The following PCDH7 variants were observed in gnomAD, a reference collection of about 807,000 sequenced individuals.
The protein encoded by PCDH7 is protocadherin 7, also known as protocadherin-7.
In PCDH7, 17 loss-of-function variants were observed where a neutral mutation model predicts 58.9. The observed-to-expected ratio is 0.29, with a 90% confidence interval of 0.20 to 0.43. The LOEUF (loss-of-function observed/expected upper bound fraction) is 0.43, where lower values mean the gene tolerates loss of function less well. Ranked by LOEUF, PCDH7 falls within the 20% of genes least tolerant of loss-of-function variation. The pLI is 1.00. For synonymous variants in PCDH7, 664 were observed against 616.4 expected (o/e 1.08, Z -1.14); for missense variants, 1,274 against 1,441.0 (o/e 0.88, Z 1.88).
chr4:30,757,413 G>A (rs545366313), intron 1 of PCDH7, among the ~76,000 whole-genome samples: 2 of 152,284 alleles, frequency 1.3e-5, no homozygotes, highest in South Asian at 4.2e-4. Flanking sequence ...CTTAGCAAAT[G>A]ATTATCAATC....
intron 2 of PCDH7, among the ~76,000 whole-genome samples, chr4:30,947,664 G>A (rs1746869443): frequency 1.3e-5 from 2 of 152,092 alleles, no homozygotes; most frequent in African/African-American, 4.8e-5. Context: ...ATTAGCATAT[G>A]TCCATCATCT....
rs1217342923 is a variant in PCDH7 at position 31,097,517 on chromosome 4, AAAG to A, written c.*8-44950_*8-44948del. ...AAAAGAAAGAAAGAAAGAGAGAAAG[AAAG>A]AAGAAAGAAAGAAAGAAAGAAAGAT... On this transcript the variant is annotated intron_variant, in intron 3 of 3. Coordinates refer to the PCDH7 transcript ENST00000509759. 1.3e-3 allele frequency among the ~76,000 whole-genome samples: 158 copies of A among 122,010 alleles called. 3 individuals are homozygous for A. The highest frequency in any genetic ancestry group is 5.0e-3 in the African/African-American group (145 of 28,984). 80.0% of individuals were successfully genotyped at this position (122,010 alleles called of 152,430 possible).
intron 3 of PCDH7, among the ~76,000 whole-genome samples, chr4:30,964,947 G>C (rs1748866130): frequency 6.6e-6 from 1 of 152,188 alleles, no homozygotes; most frequent in Non-Finnish European, 1.5e-5. Context: ...AGTTATTGCT[G>C]TAAGTTTTGC....
intron 1 of PCDH7, among the ~76,000 whole-genome samples, chr4:30,860,526 A>G (rs774868064): frequency 1.2e-4 from 19 of 152,126 alleles, no homozygotes; most frequent in Middle Eastern, 3.4e-3. Flanking sequence ...CAACTTGTGC[A>G]TCATGTCTTA....
chr4:30,845,005 C>G (rs956511924), intron 1 of PCDH7, among the ~76,000 whole-genome samples: 4 of 152,104 alleles, frequency 2.6e-5, no homozygotes, highest in African/African-American at 9.7e-5. Context: ...TTCCTTCTTT[C>G]CCCTTCCACT....
At chr4:31,038,210 A>G (rs1398317870) in intron 3 of PCDH7, among the ~76,000 whole-genome samples, 1 of 152,238 alleles carries the variant, frequency 6.6e-6, no homozygotes, top group Non-Finnish European at 1.5e-5. Context: ...TTTGATATCT[A>G]GTATTCTAGA....
intron 1 of PCDH7, among the ~76,000 whole-genome samples, chr4:30,873,501 A>AGATCTATATACAAATTTAATTTGC (rs2109363943): frequency 6.6e-6 from 1 of 152,224 alleles, no homozygotes; most frequent in Non-Finnish European, 1.5e-5. Context: ...ATTTAATTTG[A>AGATCTATATACAAATTTAATTTGC]GATCTATATG....
intron 3 of PCDH7, among the ~76,000 whole-genome samples, chr4:31,064,185 A>G (rs1388094661): frequency 6.6e-6 from 1 of 152,024 alleles, no homozygotes; most frequent in Non-Finnish European, 1.5e-5. Context: ...AAATCAGATG[A>G]AGTTTTACTT....
intron 3 of PCDH7, among the ~76,000 whole-genome samples, chr4:31,017,047 T>G (rs1753674456): frequency 6.6e-6 from 1 of 152,042 alleles, no homozygotes; most frequent in Admixed American, 6.6e-5. Flanking sequence ...ACAGGAAGAT[T>G]TATTTAATTT....
At chr4:31,129,024 G>A (rs1718650517) in intron 3 of PCDH7, among the ~76,000 whole-genome samples, 1 of 152,172 alleles carries the variant, frequency 6.6e-6, no homozygotes, top group African/African-American at 2.4e-5. Context: ...TGTGGCCATT[G>A]TGAAGGTAGA....
At chr4:30,821,060 A>T (rs1728311754) in intron 1 of PCDH7, among the ~76,000 whole-genome samples, 2 of 152,246 alleles carry the variant, frequency 1.3e-5, no homozygotes, top group Admixed American at 1.3e-4. Flanking sequence ...TGTGCTAAGG[A>T]CTTATGAATT....
intron 1 of PCDH7, among the ~76,000 whole-genome samples, chr4:30,911,629 T>C (rs1741787123): frequency 6.6e-6 from 1 of 152,182 alleles, no homozygotes; most frequent in Admixed American, 6.6e-5. Flanking sequence ...GAAAAACAAT[T>C]GCCTACATTA....
chr4:31,109,689 A>G (rs888601330), intron 3 of PCDH7, among the ~76,000 whole-genome samples: 1 of 152,234 alleles, frequency 6.6e-6, no homozygotes, highest in African/African-American at 2.4e-5. Flanking sequence ...AGCCTTCACC[A>G]AATTAATATT....
At chr4:30,832,345 C>T (rs536896706) in intron 1 of PCDH7, among the ~76,000 whole-genome samples, 36 of 152,234 alleles carry the variant, frequency 2.4e-4, no homozygotes, top group African/African-American at 7.9e-4. Flanking sequence ...TGCTTACTTG[C>T]TTTCTTGCTT....
intron 3 of PCDH7, among the ~76,000 whole-genome samples, chr4:30,966,678 G>A (rs534491905): frequency 1.2e-4 from 18 of 152,042 alleles, no homozygotes; most frequent in African/African-American, 4.1e-4. Flanking sequence ...TAGCCCAAAG[G>A]TTCCATATTG....
At chr4:31,140,699 T>A (rs746121934) in intron 3 of PCDH7, among the ~76,000 whole-genome samples, 1 of 151,902 alleles carries the variant, frequency 6.6e-6, no homozygotes, top group Non-Finnish European at 1.5e-5. Context: ...CCAACTAGAT[T>A]ACAAAAACCA....
intron 3 of PCDH7, among the ~76,000 whole-genome samples, chr4:30,979,073 TA>T (rs948638329): frequency 4.6e-5 from 7 of 150,860 alleles, no homozygotes; most frequent in East Asian, 3.9e-4. Context: ...GAGTGATCCT[TA>T]AAAAAAAATT....
At chr4:31,085,873 T>C (rs1043300167) in intron 3 of PCDH7, among the ~76,000 whole-genome samples, 1 of 150,282 alleles carries the variant, frequency 6.7e-6, no homozygotes, top group African/African-American at 2.5e-5. Context: ...TTTTTTCATC[T>C]CTTCCTCTTC....
At chr4:30,918,480 A>G (rs13120686) in intron 1 of PCDH7, among the ~76,000 whole-genome samples, 105,382 of 151,796 alleles carry the variant, frequency 0.69, 36,625 homozygotes, top group East Asian at 0.78. Context: ...TATCACAACT[A>G]TATTACCATC....
Sources: gnomAD v4.1 joint callset for allele counts (sites outside exome capture counted in the v4.1 genomes callset) on GRCh38, gnomAD v4.1.1 for gene constraint, MANE v1.5 for transcripts, NCBI Gene and HGNC (gene_info 2026-07-23, HGNC 2026-07-21) for gene names.